TSHZ1: variants seen among roughly 807,000 people sequenced by gnomAD.
TSHZ1 encodes teashirt homolog 1.
Under a neutral mutation model 67.1 loss-of-function variants are expected in TSHZ1, and 12 were observed. That is an observed-to-expected ratio of 0.18 (90% CI 0.11 to 0.29). TSHZ1 has a LOEUF of 0.29. Among genes scored for constraint, TSHZ1 ranks in the 10% least tolerant of loss-of-function variants. The probability of loss-of-function intolerance (pLI) is 1.00; values close to 1 mark genes in which losing one functional copy is unlikely to be tolerated. For synonymous variants in TSHZ1, 632 were observed against 622.4 expected (o/e 1.02, Z -0.23); for missense variants, 1,305 against 1,413.9 (o/e 0.92, Z 1.23).
At chr18:75,223,741 C>T (rs1383130395) in intron 1 of TSHZ1, among the ~76,000 whole-genome samples, 1 of 152,084 alleles carries the variant, frequency 6.6e-6, no homozygotes, top group Non-Finnish European at 1.5e-5. Context: ...AGCCCTGGCC[C>T]TGCATGTGCT....
Position 75,288,246 on chromosome 18 carries a change from G to A in TSHZ1, c.2839G>A (p.Val947Met), listed in dbSNP as rs759997577. 3 of 1,614,234 alleles carry A rather than the reference G, an allele frequency of 1.9e-6. No individual in the cohort carries two copies. Among genetic ancestry groups the A allele is most frequent in the East Asian group, 2.2e-5 (1 of 44,882 alleles). Residue 947 changes from valine to methionine, a missense_variant, in exon 2 of 2, where the codon GTG (valine) becomes ATG (methionine). By Grantham distance (21) the Val-to-Met change is conservative (BLOSUM62 1). Coordinates refer to ENST00000580243, the MANE Select transcript of TSHZ1 (RefSeq NM_001308210.2). This position sits in a 1 kb window ranked among gnomAD's most constrained non-coding sequence, Gnocchi z 4.9. ...CACCATCAGCCACTGGCTGGCCAAT[G>A]TGAAGTACCAGTTGAGGAGGACAGG... ...MTTISHWLANVKYQLRRTGGT... is the reference protein window; with the variant it reads ...MTTISHWLANMKYQLRRTGGT...
chr18:75,246,352 A>T (rs2023221457), intron 1 of TSHZ1, among the ~76,000 whole-genome samples: 1 of 146,718 alleles, frequency 6.8e-6, no homozygotes, highest in Non-Finnish European at 1.5e-5. Context: ...GGGGATGACG[A>T]TGGGGGCCTT....
intron 1 of TSHZ1, among the ~76,000 whole-genome samples, chr18:75,260,008 G>C (rs2023410573): frequency 6.6e-6 from 1 of 152,168 alleles, no homozygotes; most frequent in Non-Finnish European, 1.5e-5. Flanking sequence ...CCTTTGTACT[G>C]ATGCCTTTCA....
chr18:75,287,361 A>T lies in TSHZ1; in HGVS notation c.1954A>T (p.Ile652Phe). 3.1e-6 allele frequency: 5 copies of T among 1,614,128 alleles called. No individual in the cohort carries two copies. Among genetic ancestry groups the T allele is most frequent in the Non-Finnish European group, 3.4e-6 (4 of 1,180,042 alleles). ...GGAGAAGGTCACGGGCAAGGTCAAC[A>T]TCAAGAAGGAGGAGAGACCCCCTGA... is the stretch of plus-strand genomic sequence containing the variant. ...LVEKVTGKVN[I>F]KKEERPPEKE... The change falls in exon 2 of 2, where the codon ATC becomes TTC. Residue 652 changes from isoleucine to phenylalanine, a missense_variant. Around this residue, in one of 3 missense-constraint regions of TSHZ1, gnomAD observed 909 missense variants for 961.8 expected, o/e 0.95. Transcript: ENST00000580243. This position sits in a 1 kb window ranked among gnomAD's most constrained non-coding sequence, Gnocchi z 5.0.
intron 1 of TSHZ1, among the ~76,000 whole-genome samples, chr18:75,253,828 G>C (rs1005906504): frequency 6.6e-6 from 1 of 152,202 alleles, no homozygotes; most frequent in African/African-American, 2.4e-5. Flanking sequence ...CAGTTTTAGG[G>C]AAGGCCTTTT....
intron 1 of TSHZ1, among the ~76,000 whole-genome samples, chr18:75,228,430 A>G (rs1271893662): frequency 1.3e-5 from 2 of 152,226 alleles, no homozygotes; most frequent in Non-Finnish European, 2.9e-5. Flanking sequence ...AGAGCTCACC[A>G]TTATCAGGGC....
At chr18:75,277,625 C>T (rs2023630728) in intron 1 of TSHZ1, among the ~76,000 whole-genome samples, 1 of 152,068 alleles carries the variant, frequency 6.6e-6, no homozygotes, top group Non-Finnish European at 1.5e-5. Context: ...GTAGAAGGGG[C>T]AAGCCAGCTC....
chr18:75,282,767 GC>G (rs1242103534), intron 1 of TSHZ1: 1 of 152,186 alleles, frequency 6.6e-6, no homozygotes, highest in Non-Finnish European at 1.5e-5. Flanking sequence ...AGCCATATCC[GC>G]ATACGGTATG....
chr18:75,222,467 T>A (rs144181349), intron 1 of TSHZ1, among the ~76,000 whole-genome samples: 1,742 of 152,218 alleles, frequency 0.011, 28 homozygotes, highest in Non-Finnish European at 0.019. Context: ...GATCGTTGTC[T>A]CCTTTTTTTT....
intron 1 of TSHZ1, among the ~76,000 whole-genome samples, chr18:75,249,456 C>G (rs1389959653): frequency 1.4e-5 from 2 of 144,808 alleles, no homozygotes; most frequent in African/African-American, 5.2e-5. Context: ...CATCTAACTC[C>G]TGCAGTGGAT....
At chr18:75,236,043 G>A (rs191058334) in intron 1 of TSHZ1, among the ~76,000 whole-genome samples, 171 of 152,236 alleles carry the variant, frequency 1.1e-3, no homozygotes, top group Non-Finnish European at 1.5e-3. Flanking sequence ...GGAAGCTTGC[G>A]TGATAGGAAG....
intron 1 of TSHZ1, among the ~76,000 whole-genome samples, chr18:75,266,453 G>A (rs2023491914): frequency 6.6e-6 from 1 of 152,194 alleles, no homozygotes; most frequent in Admixed American, 6.5e-5. Context: ...GAGGAGGGGT[G>A]GGTGTGAGCT....
chr18:75,249,867 T>C (rs2023275116), intron 1 of TSHZ1, among the ~76,000 whole-genome samples: 1 of 148,106 alleles, frequency 6.8e-6, no homozygotes, highest in Admixed American at 6.7e-5. Context: ...GACTTCCTCC[T>C]CCCTGCCTCA....
In TSHZ1 at chr18:75,211,556, C is replaced by T. The variant is rs1385561802; in HGVS notation, c.-321C>T. On this transcript the variant is annotated 5_prime_UTR_variant, in exon 1 of 2. Coordinates refer to ENST00000580243, the MANE Select transcript of TSHZ1 (RefSeq NM_001308210.2). ...ATGGAGCGCGGGCCGCGGGCCGGCC[C>T]GCCGAGCGCCCGCTGCTGCGCCCGC... 7 of 142,642 alleles carry T rather than the reference C, an allele frequency of 4.9e-5. No homozygotes were observed. The highest frequency in any genetic ancestry group is 1.8e-4 in the African/African-American group (7 of 39,860). 8.8% of individuals were successfully genotyped at this position (142,642 alleles called of 1,614,324 possible).
chr18:75,240,873 A>G (rs2023147232), intron 1 of TSHZ1, among the ~76,000 whole-genome samples: 1 of 152,204 alleles, frequency 6.6e-6, no homozygotes, highest in South Asian at 2.1e-4. Context: ...GTAATTTTTA[A>G]CAGGTTTAAA....
At chr18:75,258,253 C>T (rs1238922216) in intron 1 of TSHZ1, among the ~76,000 whole-genome samples, 2 of 152,226 alleles carry the variant, frequency 1.3e-5, no homozygotes, top group Non-Finnish European at 2.9e-5. Flanking sequence ...AGGGTGCTCT[C>T]TGCAAGTGCC....
intron 1 of TSHZ1, among the ~76,000 whole-genome samples, chr18:75,272,236 G>A (rs1213441307): frequency 6.6e-6 from 1 of 152,232 alleles, no homozygotes; most frequent in Non-Finnish European, 1.5e-5. Context: ...AGGTCTGAGA[G>A]ATGAGAATCC....
intron 1 of TSHZ1, among the ~76,000 whole-genome samples, chr18:75,225,692 G>T (rs192087389): frequency 5.9e-5 from 9 of 151,798 alleles, no homozygotes; most frequent in Admixed American, 3.9e-4. Context: ...TGGTGGGCTC[G>T]CACGCCATCC....
rs929049412 is a variant in TSHZ1 at position 75,265,613 on chromosome 18, C to T, written c.41-19835C>T. 1.4e-4 allele frequency among the ~76,000 whole-genome samples: 22 copies of T among 152,110 alleles called. 1 individual carries two copies. Among genetic ancestry groups the T allele is most frequent in the South Asian group, 6.2e-4 (3 of 4,830 alleles). Reference sequence around the variant, plus strand: ...AGGATATTGTATTTCTTTTTTATTACGCAAAAATGTGAAGCTTTTAAACTC... The same window carrying T: ...AGGATATTGTATTTCTTTTTTATTATGCAAAAATGTGAAGCTTTTAAACTC... On this transcript the variant is annotated intron_variant, in intron 1 of 1. Transcript: ENST00000580243.
Sources: allele counts gnomAD v4.1 joint callset (sites outside exome capture counted in the v4.1 genomes callset), GRCh38; gene constraint gnomAD v4.1.1; regional missense constraint gnomAD v4.1.1; non-coding constraint Gnocchi (gnomAD v3.1); transcripts MANE v1.5; gene names NCBI Gene and HGNC (gene_info 2026-07-23, HGNC 2026-07-21).